MEIS2: variants seen among roughly 807,000 people sequenced by gnomAD.
MEIS2 encodes Meis homeobox 2, also known as homeobox protein Meis2.
Under a neutral mutation model 58.6 loss-of-function variants are expected in MEIS2, and 9 were observed. The observed-to-expected ratio is 0.15, with a 90% CI of 0.09 to 0.27. MEIS2 has a LOEUF of 0.27. Among genes scored for constraint, MEIS2 ranks in the 10% least tolerant of loss-of-function variants. MEIS2 has a pLI of 1.00. For missense variants in MEIS2, 427 were observed against 635.0 expected (o/e 0.67, Z 3.52); for synonymous variants, 221 against 228.4 (o/e 0.97, Z 0.29).
At chr15:37,008,186 T>C (rs79043005) in intron 8 of MEIS2, among the ~76,000 whole-genome samples, 130 of 152,368 alleles carry the variant, frequency 8.5e-4, no homozygotes, top group African/African-American at 3.0e-3. Context: ...ACAGATTATC[T>C]AGCTGGCTTG....
At chr15:36,930,294 A>C (rs2057924345) in intron 9 of MEIS2, among the ~76,000 whole-genome samples, 1 of 151,956 alleles carries the variant, frequency 6.6e-6, no homozygotes, top group South Asian at 2.1e-4. Context: ...TTGCACAAGG[A>C]ATGGTTATAT....
At chr15:36,934,530 G>A (rs552668088) in intron 9 of MEIS2, among the ~76,000 whole-genome samples, 1 of 152,270 alleles carries the variant, frequency 6.6e-6, no homozygotes, top group South Asian at 2.1e-4. Flanking sequence ...GTTTTAACTT[G>A]AAGGCATTTA....
chr15:37,015,181 T>C (rs1308100539), intron 8 of MEIS2, among the ~76,000 whole-genome samples: 1 of 152,184 alleles, frequency 6.6e-6, no homozygotes, highest in Non-Finnish European at 1.5e-5. Flanking sequence ...TGAGAAGAAG[T>C]AACGTGCAGC....
At chr15:36,986,914 GC>G (rs1342764717) in intron 8 of MEIS2, among the ~76,000 whole-genome samples, 7 of 152,210 alleles carry the variant, frequency 4.6e-5, no homozygotes, top group Non-Finnish European at 8.8e-5. Flanking sequence ...TACACAGGAT[GC>G]TTTCACAAAA....
chr15:36,991,783 C>CTTTTTTTTTTTTTTTTTT (rs11285545), intron 8 of MEIS2, among the ~76,000 whole-genome samples: 1 of 51,042 alleles, frequency 2.0e-5, no homozygotes, highest in Non-Finnish European at 3.4e-5. Context: ...TTTTTTTTTT[C>CTTTTTTTTTTTTTTTTTT]TTTTTTTTTT....
intron 7 of MEIS2, chr15:37,066,247 G>T (rs1437205338): frequency 6.6e-6 from 1 of 152,130 alleles, no homozygotes; most frequent in Non-Finnish European, 1.5e-5. Flanking sequence ...TTAACTTGAA[G>T]AAATAAAAAT....
chr15:36,976,306 G>T (rs574742683), intron 8 of MEIS2, among the ~76,000 whole-genome samples: 2 of 151,588 alleles, frequency 1.3e-5, no homozygotes, highest in African/African-American at 2.4e-5. Context: ...GGCTGGTCTC[G>T]AACTCCTGAC....
rs1595655233 is a variant in MEIS2 at position 36,889,903 on chromosome 15, A to C, written c.*2270T>G. ...TGGCACTGAATTTCTCTATTAAGTT[A>C]GTTTGTGTCAGAAGCATTATTTCTA... On this transcript the variant is annotated 3_prime_UTR_variant, in exon 12 of 12. Transcript: ENST00000561208. 6.6e-6 allele frequency: 1 copy of C among 152,310 alleles called. No homozygotes were observed. The highest frequency in any genetic ancestry group is 6.5e-5 in the Admixed American group (1 of 15,304). The allele number at this position is 152,310 out of a possible 1,614,324, so 9.4% of individuals were successfully genotyped here. A position where few individuals can be genotyped will look rare whatever the true frequency, so the allele number is the denominator to read the frequency against.
intron 8 of MEIS2, among the ~76,000 whole-genome samples, chr15:36,998,429 C>G (rs2060606560): frequency 6.6e-6 from 1 of 151,592 alleles, no homozygotes; most frequent in Non-Finnish European, 1.5e-5. Flanking sequence ...CTCTGTTGCT[C>G]AGGCTGGTCT....
At chr15:36,990,106 A>G (rs1277433242) in intron 8 of MEIS2, among the ~76,000 whole-genome samples, 1 of 151,958 alleles carries the variant, frequency 6.6e-6, no homozygotes, top group African/African-American at 2.4e-5. Flanking sequence ...CACCACGCCC[A>G]GCTAAATTTT....
chr15:37,069,063 CT>C (rs1054845783), intron 7 of MEIS2, among the ~76,000 whole-genome samples: 10 of 152,120 alleles, frequency 6.6e-5, no homozygotes, highest in African/African-American at 1.2e-4. Flanking sequence ...GGCCCAATTT[CT>C]TTTTTTCTTT....
intron 9 of MEIS2, among the ~76,000 whole-genome samples, chr15:36,900,460 T>A (rs1257230299): frequency 2.0e-5 from 3 of 152,196 alleles, no homozygotes; most frequent in Non-Finnish European, 4.4e-5. Flanking sequence ...AAATTTTACT[T>A]AAGTAGAAAA....
intron 8 of MEIS2, among the ~76,000 whole-genome samples, chr15:36,982,456 C>T (rs2059958468): frequency 6.6e-6 from 1 of 152,128 alleles, no homozygotes; most frequent in Non-Finnish European, 1.5e-5. Context: ...CAGCTTCATC[C>T]ATGTTGTCAC....
chr15:36,892,170 A>G lies in MEIS2; in HGVS notation c.*3T>C. The G allele has an allele frequency of 1.2e-6, 2 of 1,614,112 alleles. No individual in the cohort carries two copies. The highest frequency in any genetic ancestry group is 1.7e-6 in the Non-Finnish European group (2 of 1,179,956). On this transcript the variant is annotated 3_prime_UTR_variant, in exon 12 of 12. Coordinates refer to ENST00000561208, the MANE Select transcript of MEIS2 (RefSeq NM_170675.5). Reference sequence around the variant, plus strand: ...GTTTCCTTTTCCCTTGAGTTCCCTTATACTATTGGGCATGAATGTCCATAA... The same window carrying G: ...GTTTCCTTTTCCCTTGAGTTCCCTTGTACTATTGGGCATGAATGTCCATAA...
chr15:37,091,289 A>T (rs1893482004), intron 6 of MEIS2, among the ~76,000 whole-genome samples: 1 of 152,156 alleles, frequency 6.6e-6, no homozygotes, highest in South Asian at 2.1e-4. Context: ...AAAACTCTCC[A>T]AGGTTTTCTC....
At chr15:37,072,985 T>G (rs976410540) in intron 7 of MEIS2, among the ~76,000 whole-genome samples, 2 of 152,098 alleles carry the variant, frequency 1.3e-5, no homozygotes, top group African/African-American at 4.8e-5. Context: ...TTTACCTTTC[T>G]GAGTTGCTTA....
intron 8 of MEIS2, among the ~76,000 whole-genome samples, chr15:37,014,433 AAGAG>A (rs1369455459): frequency 6.6e-6 from 1 of 152,194 alleles, no homozygotes; most frequent in Non-Finnish European, 1.5e-5. Context: ...CTCTTCCCAA[AAGAG>A]AGAAAACAAC....
At chr15:37,100,573 G>T (rs1258937282), upstream of MEIS2, 1 of 151,446 alleles carries the variant, frequency 6.6e-6, no homozygotes, top group African/African-American at 2.4e-5. Context: ...CGGCTGGGGG[G>T]GTGGGGGAGG....
intron 8 of MEIS2, among the ~76,000 whole-genome samples, chr15:36,956,145 G>C (rs912048880): frequency 7.2e-6 from 1 of 139,770 alleles, no homozygotes; most frequent in Non-Finnish European, 1.5e-5. Context: ...GCAGTGAGCC[G>C]AGCGACTCAG....
Sources: allele counts gnomAD v4.1 joint callset (sites outside exome capture counted in the v4.1 genomes callset), GRCh38; gene constraint gnomAD v4.1.1; transcripts MANE v1.5; gene names NCBI Gene and HGNC (gene_info 2026-07-23, HGNC 2026-07-21).